ADGRV1: variants seen among roughly 807,000 people sequenced by gnomAD.
ADGRV1 encodes G-protein coupled receptor 98.
Under a neutral mutation model 596.2 loss-of-function variants are expected in ADGRV1, and 359 were observed. The ratio of observed to expected loss-of-function variants is 0.60; its 90% CI spans 0.55 to 0.66. The LOEUF (loss-of-function observed/expected upper bound fraction) is 0.66. Ranked by LOEUF, ADGRV1 falls within the 30% of genes least tolerant of loss-of-function variation. The pLI is 0.00. For missense variants in ADGRV1, 7,274 were observed against 7,575.6 expected, an observed-to-expected ratio of 0.96 and a Z score of 1.48; for synonymous variants, 2,681 against 2,679.2, an observed-to-expected ratio of 1.00 and a Z score of -0.02.
intron 83 of ADGRV1, among the ~76,000 whole-genome samples, chr5:90,880,751 A>T (rs894422490): frequency 6.6e-6 from 1 of 152,214 alleles, no homozygotes; most frequent in African/African-American, 2.4e-5. Context: ...CAAACTTGTA[A>T]CAATAGCAGC....
chr5:90,690,991 C>T lies in ADGRV1; in HGVS notation c.6901C>T (p.Gln2301Ter), dbSNP rs121909762. The change falls in exon 31 of 90, where the codon CAA becomes TAA. Residue 2301 changes from glutamine to a stop codon, truncating the protein, a stop_gained. Coordinates refer to ENST00000405460, the MANE Select transcript of ADGRV1 (RefSeq NM_032119.4). LOFTEE classifies it high-confidence loss of function. ...GACCTTTGCCCCTGGGGAAACCATTCAAACCTTGTTGTTAGAGGTCCTGGC... is the reference window on the plus strand; with the variant it reads ...GACCTTTGCCCCTGGGGAAACCATTTAAACCTTGTTGTTAGAGGTCCTGGC... ...NVTFAPGETI[Q>*]TLLLEVLADD... 5.9e-5 allele frequency: 96 copies of T among 1,613,670 alleles called. No individual in the cohort carries two copies. Among genetic ancestry groups the T allele is most frequent in the Non-Finnish European group, 7.4e-5 (87 of 1,179,768 alleles).
intron 87 of ADGRV1, among the ~76,000 whole-genome samples, chr5:91,138,719 A>T (rs1248358309): frequency 6.6e-6 from 1 of 152,026 alleles, no homozygotes; most frequent in African/African-American, 2.4e-5. Flanking sequence ...AGGAATATTT[A>T]TCTGCTAGTG....
chr5:91,106,294 G>T (rs1006636555), intron 87 of ADGRV1, among the ~76,000 whole-genome samples: 1 of 152,022 alleles, frequency 6.6e-6, no homozygotes, highest in Non-Finnish European at 1.5e-5. Flanking sequence ...GATTAATTTT[G>T]TGCTTCTCTA....
intron 84 of ADGRV1, among the ~76,000 whole-genome samples, chr5:90,972,337 C>T (rs1052914793): frequency 2.0e-5 from 3 of 152,146 alleles, no homozygotes; most frequent in Non-Finnish European, 4.4e-5. Context: ...GAACTCAGCT[C>T]TGCACCAAGC....
intron 83 of ADGRV1, among the ~76,000 whole-genome samples, chr5:90,943,479 G>T (rs906173382): frequency 2.0e-5 from 3 of 151,954 alleles, no homozygotes; most frequent in Non-Finnish European, 4.4e-5. Flanking sequence ...ACCTTTACCT[G>T]ACCCTCACCT....
At chr5:90,646,210 A>G in intron 16 of ADGRV1, 119 bp downstream of exon 16, 1 of 476,068 alleles carries the variant, frequency 2.1e-6, no homozygotes, top group Non-Finnish European at 3.1e-6. Flanking sequence ...TTATATACAT[A>G]TATATTTAGC....
At chr5:90,964,367 A>G (rs1329180785) in intron 83 of ADGRV1, among the ~76,000 whole-genome samples, 3 of 152,106 alleles carry the variant, frequency 2.0e-5, no homozygotes, top group South Asian at 2.1e-4. Flanking sequence ...GATCATCTCT[A>G]TATTCCAGGC....
intron 84 of ADGRV1, among the ~76,000 whole-genome samples, chr5:90,968,921 A>G (rs1778711280): frequency 6.6e-6 from 1 of 152,200 alleles, no homozygotes; most frequent in Admixed American, 6.5e-5. Context: ...TTAATTTGTA[A>G]TTACTGAGTT....
chr5:90,640,417 A>G (rs1766815678), intron 11 of ADGRV1, among the ~76,000 whole-genome samples: 1 of 152,162 alleles, frequency 6.6e-6, no homozygotes, highest in South Asian at 2.1e-4. Context: ...ATCTGAGACT[A>G]AAGGTTTTTA....
chr5:90,843,762 G>C (rs567064588), intron 78 of ADGRV1, among the ~76,000 whole-genome samples: 2 of 152,122 alleles, frequency 1.3e-5, no homozygotes, highest in Non-Finnish European at 2.9e-5. Context: ...ATACACGTGT[G>C]ATGAGAATGT....
Position 90,856,794 on chromosome 5 carries a change from A to G in ADGRV1, c.17755+893A>G, listed in dbSNP as rs113328630. Among the ~76,000 whole-genome samples the G allele has an allele frequency of 5.6e-3, 852 of 152,294 alleles. 8 individuals are homozygous for G. Among genetic ancestry groups the G allele is most frequent in the African/African-American group, 0.02 (822 of 41,580 alleles). ...TCTCTGTACTTCATTTTTCCCACCCATGATATTTGATTATAAATTGTGTCT... is the reference window on the plus strand; with the variant it reads ...TCTCTGTACTTCATTTTTCCCACCCGTGATATTTGATTATAAATTGTGTCT... On this transcript the variant is annotated intron_variant, in intron 82 of 89. Coordinates refer to ENST00000405460, the MANE Select transcript of ADGRV1 (RefSeq NM_032119.4).
intron 83 of ADGRV1, among the ~76,000 whole-genome samples, chr5:90,896,518 A>AC (rs539529216): frequency 6.6e-6 from 1 of 150,948 alleles, no homozygotes; most frequent in Admixed American, 6.6e-5. Context: ...CAAGGGATTG[A>AC]CCCCCCTCAG....
In ADGRV1 at chr5:90,988,016, A is replaced by G. The variant is rs1780637839; in HGVS notation, c.18152+2494A>G. On this transcript the variant is annotated intron_variant, in intron 85 of 89. Transcript: ENST00000405460. ...TTCCTGACTCTCAGCATCTTTCCTC[A>G]TCCTGGATTTTCAGTCTCCCTTTCT... is the stretch of plus-strand genomic sequence containing the variant. Among the ~76,000 whole-genome samples the G allele has an allele frequency of 4.6e-5, 7 of 152,100 alleles. No homozygotes were observed. The South Asian group carries it at 1.5e-3, about 32-fold the overall frequency.
intron 1 of ADGRV1, among the ~76,000 whole-genome samples, chr5:90,594,485 CTT>C (rs569370594): frequency 0.26 from 28,386 of 108,098 alleles, 3,533 homozygotes; most frequent in Middle Eastern, 0.33. Flanking sequence ...TCTGGCAGTT[CTT>C]TTTTTTTTTT....
At chr5:90,790,634 T>C (rs1759961583) in intron 69 of ADGRV1, among the ~76,000 whole-genome samples, 1 of 152,204 alleles carries the variant, frequency 6.6e-6, no homozygotes, top group South Asian at 2.1e-4. Context: ...CAAATTGTGC[T>C]GTTATTTTAG....
intron 83 of ADGRV1, among the ~76,000 whole-genome samples, chr5:90,896,205 C>A (rs1233115053): frequency 2.1e-5 from 3 of 143,988 alleles, no homozygotes; most frequent in Admixed American, 7.0e-5. Context: ...GTTGGTCTTA[C>A]AAATTTATTC....
Position 90,712,550 on chromosome 5 carries a change from T to C in ADGRV1, c.9184+122T>C, listed in dbSNP as rs138826450. On this transcript the variant is annotated intron_variant, in intron 42 of 89. Coordinates refer to ENST00000405460, the MANE Select transcript of ADGRV1 (RefSeq NM_032119.4). ...TCTGTGCTTAAAATGAGAATGATTT[T>C]AAGTTAGAGCATTTCAGAATTCCTG... 460 of 744,566 alleles carry C rather than the reference T, an allele frequency of 6.2e-4. 2 individuals carry two copies. The East Asian group carries it at 0.012, about 20-fold the overall frequency. 46.1% of individuals were successfully genotyped at this position (744,566 alleles called of 1,614,324 possible). A position where few individuals can be genotyped will look rare whatever the true frequency, so the allele number is the denominator to read the frequency against.
In ADGRV1 at chr5:90,975,856, TAA is replaced by T. The variant is rs11291279; in HGVS notation, c.17974-9479_17974-9478del. Among the ~76,000 whole-genome samples, 24 of 150,016 alleles carry T rather than the reference TAA, an allele frequency of 1.6e-4. No homozygotes were observed. The East Asian group carries it at 2.9e-3, about 18-fold the overall frequency. The stretch of plus-strand genomic sequence containing the variant: ...ACCCTAGAACTTAAAAGTATAATAA[TAA>T]AAAAAAAATAATAAGGCAGGGTTAT... On this transcript the variant is annotated intron_variant, in intron 84 of 89. Transcript: ENST00000405460.
chr5:90,885,561 A>T (rs187046572), intron 83 of ADGRV1, among the ~76,000 whole-genome samples: 13 of 152,264 alleles, frequency 8.5e-5, no homozygotes, highest in African/African-American at 2.6e-4. Context: ...AAGTTTATGG[A>T]TCAAATGGTT....
Sources: allele counts gnomAD v4.1 joint callset (sites outside exome capture counted in the v4.1 genomes callset), GRCh38; gene constraint gnomAD v4.1.1; transcripts MANE v1.5; gene names NCBI Gene and HGNC (gene_info 2026-07-23, HGNC 2026-07-21).